LINGO2: variants seen among roughly 807,000 people sequenced by gnomAD.
The protein encoded by LINGO2 is leucine-rich repeat and immunoglobulin-like domain-containing nogo receptor-interacting protein 2.
In LINGO2, 14 loss-of-function variants were observed where a neutral mutation model predicts 30.6. The ratio of observed to expected loss-of-function variants is 0.46; its 90% CI spans 0.30 to 0.72. The LOEUF is 0.72. LINGO2 is among the 30% of genes least tolerant of loss of function. The pLI is 0.07. For missense variants in LINGO2, 729 were observed against 751.7 expected (o/e 0.97, Z 0.35); for synonymous variants, 317 against 288.5 (o/e 1.10, Z -1.00).
At chr9:28,143,172 A>G (rs1389984575) in intron 4 of LINGO2, among the ~76,000 whole-genome samples, 2 of 152,302 alleles carry the variant, frequency 1.3e-5, no homozygotes, top group East Asian at 3.9e-4. Flanking sequence ...CAAAAGCATT[A>G]AATTTGAAGA....
chr9:28,596,288 G>T (rs17833178), intron 1 of LINGO2, among the ~76,000 whole-genome samples: 5,551 of 152,158 alleles, frequency 0.036, 125 homozygotes, highest in African/African-American at 0.049. Flanking sequence ...CAGGGTTCCA[G>T]TTATCACAAT....
the LINGO2 span, among the ~76,000 whole-genome samples, chr9:29,102,934 T>C: frequency 1.3e-5 from 2 of 152,238 alleles, no homozygotes; most frequent in African/African-American, 2.4e-5. Flanking sequence ...ACATGTATTA[T>C]ATCTATACAT....
chr9:28,761,343 AT>A, the LINGO2 span, among the ~76,000 whole-genome samples: 1 of 151,968 alleles, frequency 6.6e-6, no homozygotes, highest in African/African-American at 2.4e-5. Context: ...AGTTAGCTGA[AT>A]AAGAGCTATT....
the LINGO2 span, among the ~76,000 whole-genome samples, chr9:28,801,972 C>T: frequency 6.6e-6 from 1 of 151,728 alleles, no homozygotes; most frequent in Non-Finnish European, 1.5e-5. Flanking sequence ...AAATTAAATG[C>T]TCACATATAG....
chr9:28,787,061 A>G, the LINGO2 span, among the ~76,000 whole-genome samples: 1 of 152,148 alleles, frequency 6.6e-6, no homozygotes, highest in Non-Finnish European at 1.5e-5. Context: ...GTGTTACCAA[A>G]ATGTACTTTT....
intron 1 of LINGO2, among the ~76,000 whole-genome samples, chr9:28,547,011 A>T (rs1380145072): frequency 6.6e-6 from 1 of 152,068 alleles, no homozygotes; most frequent in Admixed American, 6.6e-5. Context: ...GACTGGGAAA[A>T]GTTGGTGGGA....
chr9:29,125,809 G>A, the LINGO2 span, among the ~76,000 whole-genome samples: 43 of 152,040 alleles, frequency 2.8e-4, no homozygotes, highest in Non-Finnish European at 5.1e-4. Context: ...CATATGGTTT[G>A]TTTTAGAACT....
chr9:28,903,030 C>A, the LINGO2 span, among the ~76,000 whole-genome samples: 1 of 148,494 alleles, frequency 6.7e-6, no homozygotes, highest in Admixed American at 6.7e-5. Flanking sequence ...AAGATCAGAG[C>A]AGAAATAAAT....
At chr9:28,016,503 GAC>G (rs1409946861) in intron 4 of LINGO2, among the ~76,000 whole-genome samples, 6 of 151,976 alleles carry the variant, frequency 3.9e-5, no homozygotes, top group African/African-American at 1.4e-4. Context: ...TATAGTAAAA[GAC>G]AAATTTCCCA....
intron 1 of LINGO2, among the ~76,000 whole-genome samples, chr9:28,536,758 TAAGAC>T (rs1821453593): frequency 6.6e-6 from 1 of 152,140 alleles, no homozygotes; most frequent in African/African-American, 2.4e-5. Flanking sequence ...AAGGCTCTTA[TAAGAC>T]AAGACATTTG....
the LINGO2 span, among the ~76,000 whole-genome samples, chr9:29,072,319 T>C: frequency 1.1e-4 from 17 of 152,048 alleles, no homozygotes; most frequent in African/African-American, 3.9e-4. Flanking sequence ...TTTTAATACA[T>C]ATAAATAGAA....
intron 1 of LINGO2, among the ~76,000 whole-genome samples, chr9:28,552,795 T>C (rs1206027020): frequency 5.3e-5 from 8 of 151,776 alleles, no homozygotes; most frequent in Non-Finnish European, 4.4e-5. Context: ...ATCTTAGACA[T>C]TTTGCTTTTC....
intron 2 of LINGO2, among the ~76,000 whole-genome samples, chr9:28,423,009 CA>C (rs1328368957): frequency 6.6e-6 from 1 of 151,890 alleles, no homozygotes; most frequent in African/African-American, 2.4e-5. Context: ...TGATGGTTGC[CA>C]GGGGCTGGGA....
At chr9:27,976,858 T>A (rs1369040338) in intron 5 of LINGO2, among the ~76,000 whole-genome samples, 1 of 152,140 alleles carries the variant, frequency 6.6e-6, no homozygotes, top group Non-Finnish European at 1.5e-5. Flanking sequence ...TGGAAAAGAA[T>A]AATTTGTGTG....
intron 1 of LINGO2, among the ~76,000 whole-genome samples, chr9:28,574,799 C>G (rs1823873868): frequency 6.6e-6 from 1 of 152,136 alleles, no homozygotes; most frequent in African/African-American, 2.4e-5. Flanking sequence ...AGCTTCATCT[C>G]TAGTTGAGGG....
chr9:29,175,858 T>A, the LINGO2 span, among the ~76,000 whole-genome samples: 1 of 152,102 alleles, frequency 6.6e-6, no homozygotes, highest in Non-Finnish European at 1.5e-5. Context: ...AAAGAGTAAA[T>A]CTTTAAATTC....
At chr9:28,642,497 T>A (rs1827639721) in intron 1 of LINGO2, among the ~76,000 whole-genome samples, 2 of 152,152 alleles carry the variant, frequency 1.3e-5, no homozygotes, top group Non-Finnish European at 2.9e-5. Flanking sequence ...CAATTATTTT[T>A]AAGTTTTTTG....
At chr9:28,950,251 A>T in the LINGO2 span, among the ~76,000 whole-genome samples, 1 of 152,192 alleles carries the variant, frequency 6.6e-6, no homozygotes, top group South Asian at 2.1e-4. Flanking sequence ...ATCTCAAAAT[A>T]ATGAGAGCTA....
intron 2 of LINGO2, among the ~76,000 whole-genome samples, chr9:28,462,677 C>G (rs1053489494): frequency 3.3e-5 from 5 of 151,984 alleles, no homozygotes; most frequent in African/African-American, 1.2e-4. Context: ...TTCTTGCTCA[C>G]ACTCATAGGA....
Sources: allele counts gnomAD v4.1 joint callset (sites outside exome capture counted in the v4.1 genomes callset), GRCh38; gene constraint gnomAD v4.1.1; transcripts MANE v1.5; gene names NCBI Gene and HGNC (gene_info 2026-07-23, HGNC 2026-07-21).